ZNF280D: variants seen among roughly 807,000 people sequenced by gnomAD.
The protein encoded by ZNF280D is suppressor of hairy wing homolog 4.
In ZNF280D, 39 loss-of-function variants were observed where a neutral mutation model predicts 94.7. The observed-to-expected ratio is 0.41, with a 90% CI of 0.32 to 0.54. The LOEUF is 0.54. Ranked by LOEUF, ZNF280D falls within the 20% of genes least tolerant of loss-of-function variation. The pLI is 0.22. For missense variants in ZNF280D, 1,090 were observed against 1,149.3 expected (o/e 0.95, Z 0.75); for synonymous variants, 398 against 377.6 (o/e 1.05, Z -0.63).
chr15:56,692,691 T>C (rs1467436392), intron 7 of ZNF280D, among the ~76,000 whole-genome samples: 14 of 152,102 alleles, frequency 9.2e-5, no homozygotes, highest in Admixed American at 9.2e-4. Context: ...ACAATTAGAA[T>C]AGAAAGACAT....
chr15:56,631,966 G>T lies in ZNF280D; in HGVS notation c.2472C>A (p.Ile824=), dbSNP rs1455253014. The T allele has an allele frequency of 4.3e-6, 7 of 1,613,794 alleles. No individual in the cohort carries two copies. The highest frequency in any genetic ancestry group is 5.9e-6 in the Non-Finnish European group (7 of 1,179,996). ...LADQETGSKN[I]VSCDSNIGAD... ...CACCAATATTTGAATCACAACTGAC[G>T]ATGTTTTTTGAGCCAGTTTCCTGGT... Residue 824 remains isoleucine (I), a synonymous_variant, in exon 22 of 22, where the codon ATC becomes ATA. Transcript: ENST00000267807.
intron 14 of ZNF280D, 112 bp downstream of exon 14, chr15:56,668,711 A>G: frequency 2.0e-6 from 2 of 1,007,716 alleles, no homozygotes; most frequent in Non-Finnish European, 2.8e-6. Context: ...CTAAAATTAG[A>G]GTCTGAGCAA....
intron 17 of ZNF280D, 64 bp downstream of exon 17, chr15:56,658,360 T>C: frequency 1.6e-6 from 2 of 1,239,038 alleles, no homozygotes; most frequent in Non-Finnish European, 2.3e-6. Context: ...AGCTGTTGTG[T>C]TAAAAAAAAT....
At position 56,677,708 on chromosome 15, in the gene ZNF280D, TAA is replaced by T. The variant is rs762894921; in HGVS notation, c.1163-36_1163-35del. ...GGGAGAGAAACAGTATAATAATATTTAAGATATTAATATAAAAATTAATTTTA... is the reference window on the plus strand; with the variant it reads ...GGGAGAGAAACAGTATAATAATATTTGATATTAATATAAAAATTAATTTTA... On this transcript the variant is annotated intron_variant, in intron 11 of 21. Coordinates refer to ENST00000267807, the MANE Select transcript of ZNF280D (RefSeq NM_017661.4). 32 of 894,648 alleles carry T rather than the reference TAA, an allele frequency of 3.6e-5. No homozygotes were observed. In the African/African-American group the frequency reaches 5.3e-4, roughly 15 times the overall value. The allele number at this position is 894,648 out of a possible 1,614,324, so 55.4% of individuals were successfully genotyped here.
Position 56,630,740 on chromosome 15 carries a change from T to C in ZNF280D, c.*758A>G, listed in dbSNP as rs553418343. The C allele has an allele frequency of 6.6e-6, 1 of 152,222 alleles. No homozygotes were observed. The highest frequency in any genetic ancestry group is 2.1e-4 in the South Asian group (1 of 4,824). 9.4% of individuals were successfully genotyped at this position (152,222 alleles called of 1,614,324 possible). On this transcript the variant is annotated 3_prime_UTR_variant, in exon 22 of 22. Coordinates refer to ENST00000267807, the MANE Select transcript of ZNF280D (RefSeq NM_017661.4). ...ACTTTACATTAATACAACTAATACA[T>C]CAAAGAATTTCTACACAGCTTACAC...
rs565621326 is a variant in ZNF280D at position 56,733,287 on chromosome 15, C to T, written c.-86+171G>A. ...GCCTGGGCCGACGCAAGATGGCGGT[C>T]CGGCCGCCGCCGCGCAGCCGGTCTC... On this transcript the variant is annotated intron_variant, in intron 1 of 21. Coordinates refer to ENST00000267807, the MANE Select transcript of ZNF280D (RefSeq NM_017661.4). 2.8e-4 allele frequency among the ~76,000 whole-genome samples: 42 copies of T among 152,110 alleles called. No individual in the cohort carries two copies. The South Asian group carries it at 7.9e-3, about 29-fold the overall frequency.
At chr15:56,717,539 TCTA>T (rs1258515618) in intron 1 of ZNF280D, among the ~76,000 whole-genome samples, 2 of 152,052 alleles carry the variant, frequency 1.3e-5, no homozygotes, top group East Asian at 3.8e-4. Flanking sequence ...TTCCTTACAT[TCTA>T]CTATGTTATC....
At chr15:56,682,623 T>G (rs1334549880) in intron 9 of ZNF280D, 146 bp from the exon 10 acceptor site, 3 of 530,106 alleles carry the variant, frequency 5.7e-6, no homozygotes, top group African/African-American at 4.0e-5. Context: ...CACCAAAAAT[T>G]TGTGGTGCAT....
rs2055396662 is a variant in ZNF280D, at chr15:56,678,508, AG to A, written c.1162+155del. Among the ~76,000 whole-genome samples, 7 of 152,228 alleles carry A rather than the reference AG, an allele frequency of 4.6e-5. No individual in the cohort carries two copies. In the South Asian group the frequency reaches 1.4e-3, roughly 32 times the overall value. On this transcript the variant is annotated intron_variant, in intron 11 of 21. Coordinates refer to ENST00000267807, the MANE Select transcript of ZNF280D (RefSeq NM_017661.4). ...ATATTAGTAACTAATTTTATTTAAA[AG>A]TTTATCACAGTTAAAACTTGGCCTT...
chr15:56,693,209 T>C lies in ZNF280D; in HGVS notation c.388A>G (p.Ile130Val), dbSNP rs764518384. 9.7e-6 allele frequency: 15 copies of C among 1,546,928 alleles called. No individual in the cohort carries two copies. The highest frequency in any genetic ancestry group is 1.1e-5 in the Non-Finnish European group (13 of 1,141,188). ...IVQPFSKPGYITNSSRVVSNK... is the reference protein window; with the variant it reads ...IVQPFSKPGYVTNSSRVVSNK... ...GACACAACTCGTGATGAGTTTGTTA[T>C]ATAACCCTGTTAAATAGTTCAAAGG... The change falls in exon 7 of 22, where the codon ATA becomes GTA. Residue 130 changes from isoleucine (I) to valine (V), a missense_variant. By Grantham distance (29) the Ile-to-Val change is conservative. This residue lies in a region of ZNF280D where 386 missense variants were observed against 372.0 expected (regional missense o/e 1.04). Coordinates refer to ENST00000267807, the MANE Select transcript of ZNF280D (RefSeq NM_017661.4).
chr15:56,704,752 A>C (rs2057299647), intron 3 of ZNF280D, among the ~76,000 whole-genome samples: 1 of 152,140 alleles, frequency 6.6e-6, no homozygotes, highest in Admixed American at 6.5e-5. Flanking sequence ...AAGCCGAGAC[A>C]GACAGATTGC....
chr15:56,709,198 G>A (rs2057604211), intron 1 of ZNF280D, among the ~76,000 whole-genome samples: 1 of 152,300 alleles, frequency 6.6e-6, no homozygotes, highest in South Asian at 2.1e-4. Flanking sequence ...AGTGGGCAAA[G>A]GATATGAACA....
At position 56,699,676 on chromosome 15, in the gene ZNF280D, A is replaced by C. The variant is rs1374444654; in HGVS notation, c.381+1257T>G. 4 of 728,682 alleles carry C rather than the reference A, an allele frequency of 5.5e-6. No homozygotes were observed. In the East Asian group the frequency reaches 5.2e-4, roughly 95 times the overall value. 45.1% of individuals were successfully genotyped at this position (728,682 alleles called of 1,614,324 possible). A position where few individuals can be genotyped will look rare whatever the true frequency, so the allele number is the denominator to read the frequency against. ...CTCATTCTTTCATGTAACAACAAAA[A>C]AAAATCAGGTAGTTTACCTCACAAT... On this transcript the variant is annotated intron_variant, in intron 6 of 21. Transcript: ENST00000267807.
chr15:56,726,757 T>C (rs534962297), intron 1 of ZNF280D, among the ~76,000 whole-genome samples: 1 of 152,250 alleles, frequency 6.6e-6, no homozygotes, highest in Non-Finnish European at 1.5e-5. Context: ...AAATATTGCA[T>C]CAATTTTCAA....
At position 56,693,230 on chromosome 15, in the gene ZNF280D, A is replaced by G; in HGVS notation, c.382-15T>C. 8.2e-7 allele frequency: 1 copy of G among 1,214,582 alleles called. No homozygotes were observed. The allele number at this position is 1,214,582 out of a possible 1,614,324, so 75.2% of individuals were successfully genotyped here. A position where few individuals can be genotyped will look rare whatever the true frequency, so the allele number is the denominator to read the frequency against. ...GTTATATAACCCTGTTAAATAGTTC[A>G]AAGGAAAAATAATACATTTATTCAA... On this transcript the variant is annotated splice_polypyrimidine_tract_variant and intron_variant, in intron 6 of 21. Coordinates refer to ENST00000267807, the MANE Select transcript of ZNF280D (RefSeq NM_017661.4).
In ZNF280D at chr15:56,653,427, G is replaced by A; in HGVS notation, c.2213+771C>T. ...TTATGGGAGGCCAGCCATGTAGAAA[G>A]GGAGTCTCCCCAAGATCTGATTTCT... On this transcript the variant is annotated intron_variant, in intron 19 of 21. Coordinates refer to ENST00000267807, the MANE Select transcript of ZNF280D (RefSeq NM_017661.4). The A allele has an allele frequency of 2.1e-6, 3 of 1,413,520 alleles. No homozygotes were observed. The South Asian group carries it at 4.7e-5, about 22-fold the overall frequency. 87.6% of individuals were successfully genotyped at this position (1,413,520 alleles called of 1,614,324 possible). A position where few individuals can be genotyped will look rare whatever the true frequency, so the allele number is the denominator to read the frequency against.
chr15:56,729,654 G>A (rs1190122927), intron 1 of ZNF280D: 4 of 152,142 alleles, frequency 2.6e-5, no homozygotes, highest in African/African-American at 4.8e-5. Flanking sequence ...TTCATTGTAC[G>A]GGAAAAGCTT....
At chr15:56,663,850 T>G (rs2054114231) in intron 16 of ZNF280D, among the ~76,000 whole-genome samples, 2 of 152,054 alleles carry the variant, frequency 1.3e-5, no homozygotes, top group South Asian at 4.2e-4. Context: ...CAGTGAGCTT[T>G]GACTGCAAGA....
intron 16 of ZNF280D, among the ~76,000 whole-genome samples, chr15:56,663,700 CA>C: frequency 6.6e-6 from 1 of 152,200 alleles, no homozygotes; most frequent in Admixed American, 6.5e-5. Flanking sequence ...TTGTATATTG[CA>C]AACTAATTAG....
Sources: gnomAD v4.1 joint callset for allele counts (sites outside exome capture counted in the v4.1 genomes callset) on GRCh38, gnomAD v4.1.1 for gene constraint, gnomAD v4.1.1 regional missense constraint, MANE v1.5 for transcripts, NCBI Gene and HGNC (gene_info 2026-07-23, HGNC 2026-07-21) for gene names.